Variants in RIBC2 observed in about 807,000 individuals in gnomAD.
The protein encoded by RIBC2 is RIB43A-like with coiled-coils protein 2.
RIBC2 carries 40 observed loss-of-function variants against 44.3 expected under a neutral mutation model. The ratio of observed to expected loss-of-function variants is 0.90; its 90% CI spans 0.70 to 1.18. The LOEUF (loss-of-function observed/expected upper bound fraction) is 1.18. RIBC2 is among the 50% of genes most tolerant of loss of function. The pLI, the probability that RIBC2 is intolerant of heterozygous loss-of-function variation, is 0.00. For missense variants in RIBC2, 459 were observed against 485.5 expected (o/e 0.95, Z 0.51); for synonymous variants, 171 against 175.0 (o/e 0.98, Z 0.18).
intron 5 of RIBC2, among the ~76,000 whole-genome samples, chr22:45,428,164 G>A (rs959041666): frequency 1.3e-5 from 2 of 152,230 alleles, no homozygotes; most frequent in South Asian, 2.1e-4. Context: ...GCTAAACGCT[G>A]GATCCAGCAC....
At chr22:45,414,708 T>C (rs1055083970) in intron 2 of RIBC2, among the ~76,000 whole-genome samples, 17 of 152,318 alleles carry the variant, frequency 1.1e-4, no homozygotes, top group African/African-American at 3.8e-4. Flanking sequence ...TCACAATTTC[T>C]TGTGCCCAGT....
At chr22:45,421,181 G>A (rs935719751) in intron 3 of RIBC2, among the ~76,000 whole-genome samples, 4 of 151,946 alleles carry the variant, frequency 2.6e-5, no homozygotes, top group African/African-American at 7.2e-5. Context: ...TGTAATCTCA[G>A]CTACCCCGGA....
chr22:45,419,078 T>TTCAGAGGTTGTTCAGAGG (rs1444774027), intron 3 of RIBC2, among the ~76,000 whole-genome samples: 2 of 152,200 alleles, frequency 1.3e-5, no homozygotes, highest in African/African-American at 4.8e-5. Context: ...CTGGATGTTG[T>TTCAGAGGTTGTTCAGAGG]TCACACCAGT....
intron 5 of RIBC2, among the ~76,000 whole-genome samples, chr22:45,427,337 G>A (rs949124281): frequency 1.3e-5 from 2 of 152,208 alleles, no homozygotes; most frequent in Non-Finnish European, 2.9e-5. Context: ...GCATAGTCCA[G>A]CTACCAGGAA....
At chr22:45,425,520 G>T (rs985378872) in intron 4 of RIBC2, among the ~76,000 whole-genome samples, 1 of 152,226 alleles carries the variant, frequency 6.6e-6, no homozygotes, top group African/African-American at 2.4e-5. Flanking sequence ...GACCACTGAA[G>T]TGACAGTGCA....
chr22:45,421,060 G>C (rs2087472344), intron 3 of RIBC2, among the ~76,000 whole-genome samples: 2 of 152,042 alleles, frequency 1.3e-5, no homozygotes. Context: ...TACTTTGGGA[G>C]GCCAAAGTGG....
chr22:45,417,826 T>C lies in RIBC2; in HGVS notation c.436T>C (p.Phe146Leu). 1.2e-6 allele frequency: 2 copies of C among 1,614,128 alleles called. No homozygotes were observed. The highest frequency in any genetic ancestry group is 1.7e-6 in the Non-Finnish European group (2 of 1,180,004). The change falls in exon 3 of 7, where the codon TTC (phenylalanine) becomes CTC (leucine). Residue 146 changes from phenylalanine (F) to leucine (L), a missense_variant. By Grantham distance (22) the Phe-to-Leu change is conservative. Coordinates refer to ENST00000614167, the MANE Select transcript of RIBC2 (RefSeq NM_015653.5). ...VRNTISGMQK[F>L]MGEDLNFHER... ...GAATACGATATCAGGAATGCAGAAA[T>C]TCATGGGAGAGGATTTAAACTTCCA...
At chr22:45,431,097 G>A (rs1199156648) in intron 6 of RIBC2, 31 bp downstream of exon 6, 5 of 1,556,788 alleles carry the variant, frequency 3.2e-6, no homozygotes, top group African/African-American at 1.4e-5. Flanking sequence ...GGGCCAGGTG[G>A]GGGACCGGGT....
intron 5 of RIBC2, among the ~76,000 whole-genome samples, chr22:45,427,948 T>G (rs966119831): frequency 6.6e-6 from 1 of 152,218 alleles, no homozygotes; most frequent in African/African-American, 2.4e-5. Flanking sequence ...CAGAGAGTAT[T>G]TAAAGCTGAG....
At chr22:45,427,503 T>C (rs2087544411) in intron 5 of RIBC2, among the ~76,000 whole-genome samples, 1 of 152,064 alleles carries the variant, frequency 6.6e-6, no homozygotes, top group Non-Finnish European at 1.5e-5. Context: ...GAACGAAAAA[T>C]GGTTACTGGG....
chr22:45,424,035 A>G (rs935099397), intron 4 of RIBC2, among the ~76,000 whole-genome samples: 5 of 151,926 alleles, frequency 3.3e-5, no homozygotes, highest in African/African-American at 7.3e-5. Flanking sequence ...GCTAAACCCT[A>G]TTGTCTCATT....
chr22:45,424,344 T>TGTGG (rs2087513683), intron 4 of RIBC2, among the ~76,000 whole-genome samples: 1 of 151,980 alleles, frequency 6.6e-6, no homozygotes, highest in Non-Finnish European at 1.5e-5. Flanking sequence ...AGAGAGGCAT[T>TGTGG]GTGGCATCAG....
rs760817876 is a variant in RIBC2, at chr22:45,417,799, C to T, written c.409C>T (p.Arg137Trp). 9.9e-6 allele frequency: 16 copies of T among 1,613,900 alleles called. No individual in the cohort carries two copies. Among genetic ancestry groups the T allele is most frequent in the African/African-American group, 2.7e-5 (2 of 74,864 alleles). Residue 137 changes from arginine to tryptophan, a missense_variant, in exon 3 of 7, where the codon CGG becomes TGG. By Grantham distance (101) the Arg-to-Trp change is moderately radical. Coordinates refer to ENST00000614167, the MANE Select transcript of RIBC2 (RefSeq NM_015653.5). ...AGCCCGGCAGTCAGATAATGATGTT[C>T]GGAATACGATATCAGGAATGCAGAA... is the stretch of plus-strand genomic sequence containing the variant. ...LPARQSDNDV[R>W]NTISGMQKFM...
At position 45,426,170 on chromosome 22, in the gene RIBC2, A is replaced by G. The variant is rs765357572; in HGVS notation, c.898A>G (p.Lys300Glu). ...RLVQKQQIQE[K>E]LRLQEEKRQR... is the part of the protein sequence containing the mutation. The stretch of plus-strand genomic sequence containing the variant: ...AGTCCAGAAGCAGCAAATCCAGGAG[A>G]AGCTGGTGACTGCCCCGCCCCTTTT... The change falls in exon 5 of 7, where the codon AAG (lysine) becomes GAG (glutamate). Residue 300 changes from lysine (K) to glutamate (E), a missense_variant. By Grantham distance (56) the Lys-to-Glu change is moderately conservative. Transcript: ENST00000614167. 6.2e-7 allele frequency: 1 copy of G among 1,612,884 alleles called. No homozygotes were observed. The highest frequency in any genetic ancestry group is 1.1e-5 in the South Asian group (1 of 90,956).
rs1457872253 is a variant in RIBC2, at chr22:45,430,992, G to C, written c.996G>C (p.Gln332His). The C allele has an allele frequency of 6.2e-7, 1 of 1,602,678 alleles. No homozygotes were observed. Among genetic ancestry groups the C allele is most frequent in the South Asian group, 1.1e-5 (1 of 89,282 alleles). Reference protein sequence around the residue: ...ARATLLFERQQWRRQRDLRRA... With the variant: ...ARATLLFERQHWRRQRDLRRA... ...CCACCCTGCTGTTTGAGCGGCAGCA[G>C]TGGCGGCGGCAGCGCGACCTGCGCA... is the stretch of plus-strand genomic sequence containing the variant. Residue 332 changes from glutamine to histidine, a missense_variant, in exon 6 of 7, where the codon CAG (glutamine) becomes CAC (histidine). Transcript: ENST00000614167.
chr22:45,418,422 C>A (rs2087447125), intron 3 of RIBC2, among the ~76,000 whole-genome samples: 1 of 152,112 alleles, frequency 6.6e-6, no homozygotes, highest in African/African-American at 2.4e-5. Context: ...CAGGGAACCT[C>A]TTGGGCAAAG....
chr22:45,422,547 C>G lies in RIBC2; in HGVS notation c.675+139C>G, dbSNP rs12158305. Reference sequence around the variant, plus strand: ...CACATGACCGGCCCTGACAGAGACCCTGATGGGCTGCCTGATGACAGAGAT... The same window carrying G: ...CACATGACCGGCCCTGACAGAGACCGTGATGGGCTGCCTGATGACAGAGAT... On this transcript the variant is annotated intron_variant, in intron 4 of 6. Coordinates refer to ENST00000614167, the MANE Select transcript of RIBC2 (RefSeq NM_015653.5). 1,316 of 689,092 alleles carry G rather than the reference C, an allele frequency of 1.9e-3. 15 individuals are homozygous for G. In the African/African-American group the frequency reaches 0.021, roughly 11 times the overall value. 42.7% of individuals were successfully genotyped at this position (689,092 alleles called of 1,614,324 possible). A position where few individuals can be genotyped will look rare whatever the true frequency, so the allele number is the denominator to read the frequency against.
In RIBC2 at chr22:45,414,002, A is replaced by G. The variant is rs372698749; in HGVS notation, c.116A>G (p.Asn39Ser). 52 of 1,551,558 alleles carry G rather than the reference A, an allele frequency of 3.4e-5. 1 individual carries two copies. In the African/African-American group the frequency reaches 7.1e-4, roughly 21 times the overall value. The part of the protein sequence containing the change: ...CRQKRVFNAR[N>S]RIIGGDTEAW... ...CAGAAGCGGGTCTTCAACGCCAGAA[A>G]CAGGATAATTGGGGTGAAAGGGCAG... Residue 39 changes from asparagine (N) to serine (S), a missense_variant, in exon 1 of 7, where the codon AAC becomes AGC. Transcript: ENST00000614167.
intron 3 of RIBC2, among the ~76,000 whole-genome samples, chr22:45,422,087 C>G (rs532287026): frequency 6.6e-6 from 1 of 152,298 alleles, no homozygotes; most frequent in Admixed American, 6.5e-5. Context: ...CAGCCTGTCC[C>G]AGGACCCCAG....
Sources: allele counts gnomAD v4.1 joint callset (sites outside exome capture counted in the v4.1 genomes callset), GRCh38; gene constraint gnomAD v4.1.1; transcripts MANE v1.5; gene names NCBI Gene and HGNC (gene_info 2026-07-23, HGNC 2026-07-21).